Variants in SNX24 observed in about 807,000 individuals in gnomAD.
SNX24 encodes the protein sorting nexin-24.
In SNX24, 22 loss-of-function variants were observed where a neutral mutation model predicts 28.7. The observed-to-expected ratio is 0.77, with a 90% confidence interval of 0.55 to 1.10. The LOEUF (loss-of-function observed/expected upper bound fraction) is 1.10. SNX24 is among the 50% of genes least tolerant of loss of function. The pLI, the probability that SNX24 is intolerant of heterozygous loss-of-function variation, is 0.00. For missense variants in SNX24, 221 were observed against 201.1 expected (o/e 1.10, Z -0.60); for synonymous variants, 69 against 71.5 (o/e 0.96, Z 0.18).
At chr5:122,882,312 CTA>C (rs1230704865) in intron 1 of SNX24, among the ~76,000 whole-genome samples, 1 of 152,208 alleles carries the variant, frequency 6.6e-6, no homozygotes, top group Admixed American at 6.5e-5. Flanking sequence ...TAGGATGCCT[CTA>C]CTCCTTCCCA....
intron 3 of SNX24, among the ~76,000 whole-genome samples, chr5:122,969,715 A>T (rs1188279424): frequency 1.3e-5 from 2 of 152,176 alleles, no homozygotes; most frequent in African/African-American, 4.8e-5. Context: ...AACTCTGATC[A>T]TCTGTTTCTG....
chr5:122,866,060 C>T (rs2150047255), intron 1 of SNX24, among the ~76,000 whole-genome samples: 1 of 152,314 alleles, frequency 6.6e-6, no homozygotes, highest in South Asian at 2.1e-4. Flanking sequence ...TATATACATA[C>T]ATATTTTTGT....
At chr5:122,859,224 T>TCTCGG (rs1755341612) in intron 1 of SNX24, among the ~76,000 whole-genome samples, 1 of 152,146 alleles carries the variant, frequency 6.6e-6, no homozygotes, top group South Asian at 2.1e-4. Context: ...ATGCCTTCAG[T>TCTCGG]CTCGGGTACT....
intron 1 of SNX24, among the ~76,000 whole-genome samples, chr5:122,911,970 T>C (rs1352810398): frequency 7.1e-6 from 1 of 140,740 alleles, no homozygotes; most frequent in African/African-American, 2.7e-5. Context: ...TTTGGTTCCA[T>C]ATGAACTTTA....
At chr5:122,998,210 G>A (rs1762118033) in intron 3 of SNX24, 1 of 151,782 alleles carries the variant, frequency 6.6e-6, no homozygotes, top group Non-Finnish European at 1.5e-5. Flanking sequence ...ATAACCAGGA[G>A]AAAGTAAACA....
chr5:123,002,181 A>C (rs561482140), intron 6 of SNX24, 177 bp downstream of exon 6: 3 of 594,652 alleles, frequency 5.0e-6, no homozygotes, highest in South Asian at 4.3e-5. Flanking sequence ...CTGGCCTTTC[A>C]GGAGGAAATG....
intron 1 of SNX24, among the ~76,000 whole-genome samples, chr5:122,879,253 G>A (rs1006612293): frequency 1.3e-5 from 2 of 152,134 alleles, no homozygotes; most frequent in Non-Finnish European, 2.9e-5. Context: ...AGCATGTGGC[G>A]AGTGCTATGC....
At chr5:122,942,784 G>A (rs1384213169) in intron 2 of SNX24, among the ~76,000 whole-genome samples, 3 of 152,104 alleles carry the variant, frequency 2.0e-5, no homozygotes, top group Admixed American at 6.5e-5. Flanking sequence ...AAGCAGCTGA[G>A]CCCTACTGGA....
intron 1 of SNX24, among the ~76,000 whole-genome samples, chr5:122,879,398 C>T (rs1756376254): frequency 1.3e-5 from 2 of 152,206 alleles, no homozygotes; most frequent in African/African-American, 4.8e-5. Context: ...AATACAGTCT[C>T]ACTATTTTTT....
At chr5:122,965,853 G>A (rs190961400) in intron 3 of SNX24, among the ~76,000 whole-genome samples, 1 of 152,176 alleles carries the variant, frequency 6.6e-6, no homozygotes, top group Non-Finnish European at 1.5e-5. Flanking sequence ...TCAAGCAAGC[G>A]CTATTAAATC....
intron 1 of SNX24, among the ~76,000 whole-genome samples, chr5:122,926,040 C>G (rs1414866283): frequency 1.5e-5 from 2 of 131,130 alleles, no homozygotes; most frequent in Non-Finnish European, 1.7e-5. Context: ...CATGCACACA[C>G]CAGACCATGG....
intron 6 of SNX24, among the ~76,000 whole-genome samples, chr5:123,005,922 A>G (rs892932598): frequency 1.3e-5 from 2 of 152,242 alleles, no homozygotes. Context: ...ATCAAGTGTC[A>G]TCAACCAGAA....
chr5:123,015,761 AAAG>A (rs893306337), intron 5 of SNX24, among the ~76,000 whole-genome samples: 4 of 152,176 alleles, frequency 2.6e-5, no homozygotes, highest in African/African-American at 7.2e-5. Flanking sequence ...TTTAATTAAA[AAAG>A]AAAAAAAAAC....
chr5:122,974,370 A>G (rs975074246), intron 3 of SNX24, among the ~76,000 whole-genome samples: 5 of 152,224 alleles, frequency 3.3e-5, no homozygotes, highest in African/African-American at 1.2e-4. Flanking sequence ...TGTGGAAGGG[A>G]AAATGGATCA....
At chr5:122,933,885 C>T (rs6885763) in intron 1 of SNX24, among the ~76,000 whole-genome samples, 4,237 of 151,816 alleles carry the variant, frequency 0.028, 75 homozygotes, top group Middle Eastern at 0.054. Flanking sequence ...TGGGTTCAAG[C>T]GATTCTCCTG....
intron 3 of SNX24, among the ~76,000 whole-genome samples, chr5:122,980,733 G>A (rs898363068): frequency 6.6e-6 from 1 of 150,690 alleles, no homozygotes; most frequent in South Asian, 2.1e-4. Context: ...TAGTGTGACA[G>A]AGAATACCTA....
At chr5:123,010,311 G>A (rs1412166166), downstream of SNX24, among the ~76,000 whole-genome samples, 2 of 148,884 alleles carry the variant, frequency 1.3e-5, no homozygotes, top group Non-Finnish European at 3.0e-5. Flanking sequence ...TTTTTTTGAA[G>A]ACGGAGTCTT....
rs550708914 is a variant in SNX24 at position 122,917,078 on chromosome 5, C to G, written c.61-19656C>G. ...GGTCAAGAGATAGAGACCATCCTGGCCAACATGGTGAAACTCCGTCTCTAC... is the reference window on the plus strand; with the variant it reads ...GGTCAAGAGATAGAGACCATCCTGGGCAACATGGTGAAACTCCGTCTCTAC... On this transcript the variant is annotated intron_variant, in intron 1 of 6. Coordinates refer to ENST00000261369, the MANE Select transcript of SNX24 (RefSeq NM_014035.4). Among the ~76,000 whole-genome samples the G allele has an allele frequency of 4.3e-4, 65 of 152,098 alleles. 1 individual carries two copies. The South Asian group carries it at 0.013, about 31-fold the overall frequency.
At chr5:122,956,033 T>A (rs1043584889) in intron 3 of SNX24, among the ~76,000 whole-genome samples, 2 of 152,014 alleles carry the variant, frequency 1.3e-5, no homozygotes, top group Non-Finnish European at 2.9e-5. Flanking sequence ...GTTCTATGGC[T>A]GGACAGAACA....
Sources: allele counts gnomAD v4.1 joint callset (sites outside exome capture counted in the v4.1 genomes callset), GRCh38; gene constraint gnomAD v4.1.1; transcripts MANE v1.5; gene names NCBI Gene and HGNC (gene_info 2026-07-23, HGNC 2026-07-21).